Variants in FTO observed in about 807,000 individuals in gnomAD.
The protein encoded by FTO is FTO alpha-ketoglutarate dependent dioxygenase, also known as alpha-ketoglutarate-dependent dioxygenase FTO.
Under a neutral mutation model 63.9 loss-of-function variants are expected in FTO, and 47 were observed. The ratio of observed to expected loss-of-function variants is 0.74; its 90% CI spans 0.58 to 0.94. FTO has a LOEUF of 0.94. Ranked by LOEUF, FTO falls within the 40% of genes least tolerant of loss-of-function variation. The pLI, the probability that FTO is intolerant of heterozygous loss-of-function variation, is 0.00. For synonymous variants in FTO, 207 were observed against 224.4 expected (o/e 0.92, Z 0.69); for missense variants, 562 against 618.1 (o/e 0.91, Z 0.96).
intron 1 of FTO, among the ~76,000 whole-genome samples, chr16:53,765,326 G>A (rs1022549059): frequency 2.2e-4 from 34 of 151,546 alleles, no homozygotes; most frequent in African/African-American, 7.8e-4. Flanking sequence ...GAAGGCCAAG[G>A]CAGGTGGATC....
intron 8 of FTO, among the ~76,000 whole-genome samples, chr16:53,966,610 C>T (rs2083202615): frequency 6.6e-6 from 1 of 152,184 alleles, no homozygotes; most frequent in Admixed American, 6.5e-5. Flanking sequence ...GTTTCAGTTG[C>T]TCTGGAGAAC....
chr16:54,051,990 A>G (rs201509085), intron 8 of FTO, among the ~76,000 whole-genome samples: 1 of 152,200 alleles, frequency 6.6e-6, no homozygotes, highest in South Asian at 2.1e-4. Flanking sequence ...AGAGGACTGG[A>G]TGCCAAAACA....
intron 5 of FTO, among the ~76,000 whole-genome samples, chr16:53,878,015 T>C (rs1325656875): frequency 6.6e-6 from 1 of 152,138 alleles, no homozygotes; most frequent in Non-Finnish European, 1.5e-5. Context: ...AAAGATGTTG[T>C]AGGCTGGGTG....
chr16:54,008,240 G>A (rs1382577179), intron 8 of FTO, among the ~76,000 whole-genome samples: 3 of 152,064 alleles, frequency 2.0e-5, no homozygotes, highest in African/African-American at 7.2e-5. Context: ...TAGTGATATT[G>A]TTGAAAACTA....
chr16:54,080,035 G>T (rs781050608), intron 8 of FTO, among the ~76,000 whole-genome samples: 1 of 152,010 alleles, frequency 6.6e-6, no homozygotes, highest in Non-Finnish European at 1.5e-5. Context: ...TCTGTTGGTC[G>T]CTCTCCATAC....
intron 1 of FTO, among the ~76,000 whole-genome samples, chr16:53,713,874 C>T (rs1208813502): frequency 1.3e-5 from 2 of 152,146 alleles, no homozygotes; most frequent in Admixed American, 1.3e-4. Context: ...GCTTGATTAG[C>T]TCTTTCCCAT....
At chr16:53,806,663 T>C (rs74018596) in intron 1 of FTO, among the ~76,000 whole-genome samples, 5,762 of 152,336 alleles carry the variant, frequency 0.038, 135 homozygotes, top group South Asian at 0.093. Context: ...TTTATTGAGA[T>C]AATAATTTCC....
intron 4 of FTO, among the ~76,000 whole-genome samples, chr16:53,858,871 G>T (rs2080087525): frequency 6.6e-6 from 1 of 152,076 alleles, no homozygotes; most frequent in Non-Finnish European, 1.5e-5. Flanking sequence ...ATGTTGGCCA[G>T]GATAGTCTCG....
chr16:53,986,530 C>A (rs9924983), intron 8 of FTO, among the ~76,000 whole-genome samples: 1 of 151,968 alleles, frequency 6.6e-6, no homozygotes, highest in Middle Eastern at 3.2e-3. Context: ...GCATGTAATG[C>A]TGTCTTCTGC....
At chr16:54,034,839 T>A (rs147140575) in intron 8 of FTO, among the ~76,000 whole-genome samples, 49 of 152,330 alleles carry the variant, frequency 3.2e-4, no homozygotes, top group African/African-American at 1.1e-3. Flanking sequence ...CTGGTCTCTG[T>A]AACTACTTAT....
At chr16:53,831,134 A>G (rs989346218) in intron 3 of FTO, among the ~76,000 whole-genome samples, 8 of 152,192 alleles carry the variant, frequency 5.3e-5, no homozygotes, top group Non-Finnish European at 4.4e-5. Context: ...CTTGCTCTAT[A>G]TTTCTCAGCT....
At chr16:54,097,208 A>G (rs887803052) in intron 8 of FTO, among the ~76,000 whole-genome samples, 1 of 152,138 alleles carries the variant, frequency 6.6e-6, no homozygotes, top group Non-Finnish European at 1.5e-5. Flanking sequence ...AGAAAGTCAC[A>G]GTTTTGCCCA....
intron 1 of FTO, among the ~76,000 whole-genome samples, chr16:53,746,365 T>C (rs2076651846): frequency 6.6e-6 from 1 of 152,150 alleles, no homozygotes; most frequent in South Asian, 2.1e-4. Context: ...CCTTCCCCCA[T>C]CAACATATTA....
Position 53,844,230 on chromosome 16 carries a change from T to C in FTO, c.827T>C (p.Ile276Thr). ...DPDIWHVGFK[I>T]SWDIETPGLA... is the part of the protein sequence containing the mutation. The stretch of plus-strand genomic sequence containing the variant: ...GATATTTGGCATGTTGGTTTTAAGA[T>C]CTCATGGGACATAGAGACACCTGGT... Residue 276 changes from isoleucine to threonine, a missense_variant, in exon 4 of 9, where the codon ATC becomes ACC. Physicochemically the swap from Ile to Thr is moderately conservative, Grantham distance 89 (BLOSUM62 -1). Transcript: ENST00000471389. The C allele has an allele frequency of 1.2e-6, 2 of 1,613,480 alleles. No homozygotes were observed. The highest frequency in any genetic ancestry group is 1.7e-6 in the Non-Finnish European group (2 of 1,179,424).
chr16:54,015,458 G>A (rs1271043255), intron 8 of FTO, among the ~76,000 whole-genome samples: 3 of 152,026 alleles, frequency 2.0e-5, no homozygotes, highest in African/African-American at 4.8e-5. Context: ...TTTCAAAAGT[G>A]AACTCCTTAT....
intron 8 of FTO, among the ~76,000 whole-genome samples, chr16:53,976,175 A>C (rs904323078): frequency 6.6e-6 from 1 of 152,144 alleles, no homozygotes; most frequent in Non-Finnish European, 1.5e-5. Context: ...TGTGCATTAT[A>C]TCTTTCTTAA....
At chr16:53,741,046 A>C (rs2076517366) in intron 1 of FTO, among the ~76,000 whole-genome samples, 2 of 152,226 alleles carry the variant, frequency 1.3e-5, no homozygotes, top group African/African-American at 4.8e-5. Context: ...AAAAACATTA[A>C]AGTAACAGTA....
At chr16:53,910,485 T>A (rs566470431) in intron 7 of FTO, among the ~76,000 whole-genome samples, 24 of 152,316 alleles carry the variant, frequency 1.6e-4, no homozygotes, top group Non-Finnish European at 1.5e-5. Flanking sequence ...TATGAGGTTC[T>A]GAACCAGGGC....
chr16:54,017,636 C>T (rs143688283), intron 8 of FTO, among the ~76,000 whole-genome samples: 12 of 152,194 alleles, frequency 7.9e-5, no homozygotes, highest in Admixed American at 7.2e-4. Context: ...CGTTAGCTCA[C>T]CATCCCATAT....
Sources: allele counts gnomAD v4.1 joint callset (sites outside exome capture counted in the v4.1 genomes callset), GRCh38; gene constraint gnomAD v4.1.1; transcripts MANE v1.5; gene names NCBI Gene and HGNC (gene_info 2026-07-23, HGNC 2026-07-21).